Variants in ZFYVE28 observed in about 807,000 individuals in gnomAD.
ZFYVE28 encodes the protein zinc finger FYVE-type containing 28.
Under a neutral mutation model 82.1 loss-of-function variants are expected in ZFYVE28, and 40 were observed. The ratio of observed to expected loss-of-function variants is 0.49; its 90% CI spans 0.38 to 0.63. The LOEUF is 0.63. Ranked by LOEUF, ZFYVE28 falls within the 30% of genes least tolerant of loss-of-function variation. ZFYVE28 has a pLI of 0.00. For synonymous variants in ZFYVE28, 612 were observed against 546.1 expected (o/e 1.12, Z -1.68); for missense variants, 1,321 against 1,242.1 (o/e 1.06, Z -0.96).
intron 8 of ZFYVE28, among the ~76,000 whole-genome samples, chr4:2,289,842 A>C (rs1199752300): frequency 1.3e-5 from 2 of 152,004 alleles, no homozygotes; most frequent in African/African-American, 4.8e-5. Flanking sequence ...GTCTCTGGTC[A>C]GTCATCACGG....
At chr4:2,288,457 G>A (rs1408719824) in intron 8 of ZFYVE28, among the ~76,000 whole-genome samples, 6 of 152,226 alleles carry the variant, frequency 3.9e-5, no homozygotes, top group South Asian at 4.1e-4. Context: ...GAGCAGCAGC[G>A]CCTGCCTCCG....
intron 2 of ZFYVE28, among the ~76,000 whole-genome samples, chr4:2,345,546 A>G (rs1354464507): frequency 1.3e-5 from 2 of 152,208 alleles, no homozygotes; most frequent in African/African-American, 2.4e-5. Flanking sequence ...TAGATCATCA[A>G]TGAACTGCTG....
At chr4:2,378,778 C>T (rs1462909264) in intron 1 of ZFYVE28, among the ~76,000 whole-genome samples, 4 of 152,218 alleles carry the variant, frequency 2.6e-5, no homozygotes, top group South Asian at 2.1e-4. Flanking sequence ...AAAACGACTA[C>T]TTGTTTTTGT....
In ZFYVE28 at chr4:2,347,101, T is replaced by C. The variant is rs74535210; in HGVS notation, c.181-5486A>G. 9.9e-3 allele frequency among the ~76,000 whole-genome samples: 1,504 copies of C among 152,272 alleles called. 29 individuals carry two copies. The highest frequency in any genetic ancestry group is 0.035 in the African/African-American group (1,449 of 41,558). On this transcript the variant is annotated intron_variant, in intron 2 of 12. Coordinates refer to ENST00000290974, the MANE Select transcript of ZFYVE28 (RefSeq NM_020972.3). The stretch of plus-strand genomic sequence containing the variant: ...AAGGATTTTTTTAAAGGTTGTATCA[T>C]GTTCACACCAATCAAAAGAAAGCTG...
chr4:2,324,865 G>A (rs1255466538), intron 6 of ZFYVE28: 1 of 170,202 alleles, frequency 5.9e-6, no homozygotes, highest in Non-Finnish European at 1.3e-5. Context: ...TCAGGGCCCT[G>A]AGGAATTATG....
chr4:2,407,305 G>A (rs1055125856), intron 1 of ZFYVE28, among the ~76,000 whole-genome samples: 4 of 152,042 alleles, frequency 2.6e-5, no homozygotes, highest in Non-Finnish European at 5.9e-5. Context: ...ACTCTACTCT[G>A]ACTTTGCTCC....
intron 1 of ZFYVE28, among the ~76,000 whole-genome samples, chr4:2,400,729 G>A (rs922380415): frequency 1.3e-5 from 2 of 152,140 alleles, no homozygotes; most frequent in African/African-American, 2.4e-5. Flanking sequence ...TAGGCTGGGA[G>A]GCTAGGCCGG....
intron 1 of ZFYVE28, among the ~76,000 whole-genome samples, chr4:2,365,834 A>T (rs1016427210): frequency 1.3e-5 from 2 of 152,226 alleles, no homozygotes; most frequent in Non-Finnish European, 2.9e-5. Context: ...TTCTGAAGGA[A>T]AAGGGAGCAC....
At chr4:2,346,645 TTATACTC>T (rs1468802169) in intron 2 of ZFYVE28, among the ~76,000 whole-genome samples, 3 of 152,172 alleles carry the variant, frequency 2.0e-5, no homozygotes, top group African/African-American at 7.2e-5. Context: ...TGGAAGGTCT[TTATACTC>T]TATGTGAAAT....
At position 2,339,659 on chromosome 4, in the gene ZFYVE28, C is replaced by A. The variant is rs201053944; in HGVS notation, c.319-4G>T. Reference sequence around the variant, plus strand: ...TGATGGAGCCGGCGGCCAGGCACTGCGGGAGGGGACACACTCAGGGAGGGG... The same window carrying A: ...TGATGGAGCCGGCGGCCAGGCACTGAGGGAGGGGACACACTCAGGGAGGGG... On this transcript the variant is annotated splice_region_variant and splice_polypyrimidine_tract_variant and intron_variant, in intron 3 of 12. Transcript: ENST00000290974. The surrounding 1 kb of genome is among the most constrained non-coding windows in gnomAD (Gnocchi z 5.0). The A allele has an allele frequency of 2.5e-6, 4 of 1,589,360 alleles. No homozygotes were observed. The highest frequency in any genetic ancestry group is 3.4e-6 in the Non-Finnish European group (4 of 1,169,316).
At position 2,339,054 on chromosome 4, in the gene ZFYVE28, C is replaced by T. The variant is rs542358750; in HGVS notation, c.521+399G>A. Among the ~76,000 whole-genome samples, 40 of 152,262 alleles carry T rather than the reference C, an allele frequency of 2.6e-4. No individual in the cohort carries two copies. The highest frequency in any genetic ancestry group is 5.4e-4 in the Non-Finnish European group (37 of 68,012). ...GTCTCGATCTTCTGACCTCATGATC[C>T]GCCTGCCTCGGCCTCTCAACGTGCT... On this transcript the variant is annotated intron_variant, in intron 4 of 12. Transcript: ENST00000290974. The surrounding 1 kb of genome is among the most constrained non-coding windows in gnomAD (Gnocchi z 5.0).
At chr4:2,407,188 C>T (rs1462331911) in intron 1 of ZFYVE28, among the ~76,000 whole-genome samples, 1 of 152,134 alleles carries the variant, frequency 6.6e-6, no homozygotes, top group Non-Finnish European at 1.5e-5. Context: ...AGTACATTTT[C>T]CAGTACTTCT....
chr4:2,325,513 G>C (rs926167868), intron 6 of ZFYVE28, among the ~76,000 whole-genome samples: 1 of 151,826 alleles, frequency 6.6e-6, no homozygotes, highest in Non-Finnish European at 1.5e-5. Flanking sequence ...TACATTCATG[G>C]CTTCAAAAAC....
chr4:2,275,696 G>A (rs1736360384), intron 8 of ZFYVE28, among the ~76,000 whole-genome samples: 1 of 152,234 alleles, frequency 6.6e-6, no homozygotes, highest in Non-Finnish European at 1.5e-5. Context: ...CTTGCTGGTG[G>A]GAGCGTCAGC....
chr4:2,342,112 G>A (rs1722915396), intron 2 of ZFYVE28, among the ~76,000 whole-genome samples: 1 of 152,214 alleles, frequency 6.6e-6, no homozygotes, highest in South Asian at 2.1e-4. Flanking sequence ...TAGAGTCAGG[G>A]ACACAGACCA....
intron 1 of ZFYVE28, among the ~76,000 whole-genome samples, chr4:2,384,465 A>G (rs998070744): frequency 3.1e-4 from 47 of 152,216 alleles, no homozygotes; most frequent in African/African-American, 1.0e-3. Context: ...TGGAGGGGGC[A>G]CAGGCAGGCC....
At chr4:2,376,032 CCTGG>C (rs1210390077) in intron 1 of ZFYVE28, among the ~76,000 whole-genome samples, 2 of 151,880 alleles carry the variant, frequency 1.3e-5, no homozygotes, top group Non-Finnish European at 2.9e-5. Context: ...TGCCACCACG[CCTGG>C]CTAATTTTTT....
At chr4:2,355,199 AATATATATAT>A (rs71167785) in intron 1 of ZFYVE28, among the ~76,000 whole-genome samples, 3 of 48,932 alleles carry the variant, frequency 6.1e-5, no homozygotes, top group Non-Finnish European at 1.1e-4. Context: ...AGTCCTTGAA[AATATATATAT>A]ATATATATAT....
chr4:2,380,387 C>A (rs557456191), intron 1 of ZFYVE28, among the ~76,000 whole-genome samples: 1 of 152,318 alleles, frequency 6.6e-6, no homozygotes, highest in Admixed American at 6.5e-5. Context: ...TCCTGCCACT[C>A]CAAGAACAAC....
Sources: allele counts gnomAD v4.1 joint callset (sites outside exome capture counted in the v4.1 genomes callset), GRCh38; gene constraint gnomAD v4.1.1; non-coding constraint Gnocchi (gnomAD v3.1); transcripts MANE v1.5; gene names NCBI Gene and HGNC (gene_info 2026-07-23, HGNC 2026-07-21).